The following TUSC3 variants were observed in gnomAD, a reference collection of about 807,000 sequenced individuals.
TUSC3 encodes dolichyl-diphosphooligosaccharide--protein glycosyltransferase subunit TUSC3.
TUSC3 carries 45 observed loss-of-function variants against 44.8 expected under a neutral mutation model. The ratio of observed to expected loss-of-function variants is 1.00; its 90% CI spans 0.79 to 1.29. The LOEUF is 1.29. Ranked by LOEUF, TUSC3 falls within the 50% of genes most tolerant of loss-of-function variation. The pLI is 0.00. For missense variants in TUSC3, 519 were observed against 437.9 expected (o/e 1.19, Z -1.65); for synonymous variants, 212 against 152.9 (o/e 1.39, Z -2.85).
the TUSC3 span, among the ~76,000 whole-genome samples, chr8:15,811,123 C>T: frequency 7.7e-3 from 1,178 of 152,166 alleles, 18 homozygotes; most frequent in African/African-American, 0.027. Context: ...TGGGAAATGT[C>T]GCGTGGTTGT....
chr8:15,528,578 A>T (rs556921995), intron 2 of TUSC3, among the ~76,000 whole-genome samples: 2 of 152,200 alleles, frequency 1.3e-5, no homozygotes, highest in African/African-American at 4.8e-5. Flanking sequence ...CCTAACAAGG[A>T]TAGCAAAATT....
At chr8:15,453,286 A>G (rs1210794527) in intron 1 of TUSC3, among the ~76,000 whole-genome samples, 2 of 152,198 alleles carry the variant, frequency 1.3e-5, no homozygotes, top group Non-Finnish European at 2.9e-5. Flanking sequence ...TCTGCAAACC[A>G]TGAAAGCAAT....
intron 2 of TUSC3, among the ~76,000 whole-genome samples, chr8:15,491,070 G>C (rs1235723347): frequency 4.6e-5 from 7 of 152,184 alleles, no homozygotes; most frequent in African/African-American, 1.7e-4. Flanking sequence ...ATATGAGAAG[G>C]GGGTAGAGGA....
chr8:15,605,239 A>G, intron 1 of TUSC3, among the ~76,000 whole-genome samples: 1 of 151,898 alleles, frequency 6.6e-6, no homozygotes, highest in Non-Finnish European at 1.5e-5. Flanking sequence ...TCATGCCGCT[A>G]CCTGGCTTTG....
At chr8:15,720,527 G>T (rs889335287) in intron 6 of TUSC3, among the ~76,000 whole-genome samples, 1 of 151,986 alleles carries the variant, frequency 6.6e-6, no homozygotes, top group African/African-American at 2.4e-5. Context: ...TTATCATACT[G>T]TTGTGCTATA....
intron 2 of TUSC3, among the ~76,000 whole-genome samples, chr8:15,639,208 T>C (rs1288632530): frequency 1.3e-5 from 2 of 151,552 alleles, no homozygotes; most frequent in South Asian, 4.2e-4. Context: ...ATGATGATCA[T>C]GTGTTGATGC....
chr8:15,623,736 A>T (rs1182041552), intron 2 of TUSC3, among the ~76,000 whole-genome samples: 1 of 152,112 alleles, frequency 6.6e-6, no homozygotes, highest in East Asian at 1.9e-4. Flanking sequence ...GACAAGTATA[A>T]ATACTTGTCC....
the TUSC3 span, among the ~76,000 whole-genome samples, chr8:15,840,263 A>G: frequency 6.6e-6 from 1 of 152,152 alleles, no homozygotes; most frequent in Non-Finnish European, 1.5e-5. Context: ...GCATTAGGAG[A>G]CATGCCTAAT....
At chr8:15,492,367 C>G (rs17577076) in intron 2 of TUSC3, among the ~76,000 whole-genome samples, 2,493 of 152,182 alleles carry the variant, frequency 0.016, 34 homozygotes, top group Non-Finnish European at 0.025. Flanking sequence ...AATATCATTC[C>G]CACTTTATTA....
At chr8:15,726,127 G>A (rs112931992) in intron 6 of TUSC3, among the ~76,000 whole-genome samples, 2 of 152,044 alleles carry the variant, frequency 1.3e-5, no homozygotes, top group East Asian at 1.9e-4. Flanking sequence ...AAACCAGAAC[G>A]TACTGACTGG....
At chr8:15,732,941 T>C (rs1187977803) in intron 7 of TUSC3, among the ~76,000 whole-genome samples, 1 of 152,186 alleles carries the variant, frequency 6.6e-6, no homozygotes, top group African/African-American at 2.4e-5. Context: ...TTGCTTACAT[T>C]TACTTACTTG....
the TUSC3 span, among the ~76,000 whole-genome samples, chr8:15,774,560 T>G: frequency 1.7e-4 from 26 of 152,226 alleles, 1 homozygote; most frequent in South Asian, 3.3e-3. Flanking sequence ...AGACCTTGAT[T>G]TTTTACTTTT....
chr8:15,655,269 A>G (rs1409449610), intron 3 of TUSC3, among the ~76,000 whole-genome samples: 1 of 152,210 alleles, frequency 6.6e-6, no homozygotes, highest in Non-Finnish European at 1.5e-5. Flanking sequence ...TTAAGTGAGT[A>G]GGCTCAAGCA....
At chr8:15,786,416 A>T in the TUSC3 span, among the ~76,000 whole-genome samples, 1 of 152,192 alleles carries the variant, frequency 6.6e-6, no homozygotes, top group Admixed American at 6.5e-5. Context: ...TGAAAGATAA[A>T]ATAATGTGGA....
intron 2 of TUSC3, among the ~76,000 whole-genome samples, chr8:15,490,650 C>T (rs1175822852): frequency 1.3e-5 from 2 of 152,134 alleles, no homozygotes; most frequent in African/African-American, 4.8e-5. Context: ...ATACATTTGC[C>T]CTAAAAGAGA....
intron 1 of TUSC3, among the ~76,000 whole-genome samples, chr8:15,585,895 T>A (rs1313094222): frequency 6.6e-6 from 1 of 152,064 alleles, no homozygotes. Flanking sequence ...GCTGCCATAA[T>A]GTGTAAGTAG....
intron 2 of TUSC3, among the ~76,000 whole-genome samples, chr8:15,503,153 A>G (rs1215032286): frequency 1.3e-5 from 2 of 152,174 alleles, no homozygotes; most frequent in Admixed American, 1.3e-4. Context: ...AGGTAATTAT[A>G]TTAAAATGAG....
intron 6 of TUSC3, among the ~76,000 whole-genome samples, chr8:15,727,756 C>A (rs1036907820): frequency 1.3e-5 from 2 of 152,132 alleles, no homozygotes; most frequent in African/African-American, 4.8e-5. Context: ...ATCAAGTGAA[C>A]AAGATACAAA....
intron 6 of TUSC3, among the ~76,000 whole-genome samples, chr8:15,693,347 C>T (rs1157206425): frequency 6.7e-6 from 1 of 149,142 alleles, no homozygotes; most frequent in East Asian, 2.0e-4. Flanking sequence ...TGAGGTGGTT[C>T]TGGTGGTCAT....
Sources: gnomAD v4.1 joint callset for allele counts (sites outside exome capture counted in the v4.1 genomes callset) on GRCh38, gnomAD v4.1.1 for gene constraint, MANE v1.5 for transcripts, NCBI Gene and HGNC (gene_info 2026-07-23, HGNC 2026-07-21) for gene names.